FUT9: variants seen among roughly 807,000 people sequenced by gnomAD.
The protein encoded by FUT9 is fucosyltransferase 9.
Under a neutral mutation model 29.7 loss-of-function variants are expected in FUT9, and 15 were observed. That is an observed-to-expected ratio of 0.51 (90% CI 0.34 to 0.78). FUT9 has a LOEUF of 0.78. Ranked by LOEUF, FUT9 falls within the 30% of genes least tolerant of loss-of-function variation. The pLI is 0.01. For missense variants in FUT9, 319 were observed against 425.4 expected (o/e 0.75, Z 2.20); for synonymous variants, 169 against 153.7 (o/e 1.10, Z -0.74).
chr6:96,048,782 G>T (rs9498824), intron 1 of FUT9, among the ~76,000 whole-genome samples: 47 of 152,010 alleles, frequency 3.1e-4, no homozygotes, highest in Middle Eastern at 3.4e-3. Flanking sequence ...AAATGAGAGG[G>T]GGGGAACTGA....
intron 1 of FUT9, among the ~76,000 whole-genome samples, chr6:96,061,048 T>G (rs1400087025): frequency 6.6e-6 from 1 of 152,038 alleles, no homozygotes; most frequent in Non-Finnish European, 1.5e-5. Context: ...GTATCCTATA[T>G]TTAATGAGCA....
chr6:96,027,546 C>G (rs1004661614), intron 1 of FUT9, among the ~76,000 whole-genome samples: 1 of 151,538 alleles, frequency 6.6e-6, no homozygotes, highest in African/African-American at 2.4e-5. Context: ...GCCAGTGCTG[C>G]CAACCCTGAA....
chr6:96,114,392 T>G (rs1771872066), intron 2 of FUT9, among the ~76,000 whole-genome samples: 1 of 151,984 alleles, frequency 6.6e-6, no homozygotes, highest in South Asian at 2.1e-4. Flanking sequence ...TTAAAATAAA[T>G]CTTACAGTTA....
At chr6:96,194,218 T>A (rs1773577249) in intron 2 of FUT9, among the ~76,000 whole-genome samples, 1 of 151,828 alleles carries the variant, frequency 6.6e-6, no homozygotes, top group South Asian at 2.1e-4. Context: ...AAAATAAAAT[T>A]TAGTGTACGT....
chr6:96,130,648 G>T (rs1210263175), intron 2 of FUT9, among the ~76,000 whole-genome samples: 1 of 152,052 alleles, frequency 6.6e-6, no homozygotes, highest in Non-Finnish European at 1.5e-5. Flanking sequence ...ATTTTTAAAG[G>T]TTACAAAAGT....
intron 2 of FUT9, among the ~76,000 whole-genome samples, chr6:96,128,103 A>G (rs1772167173): frequency 6.6e-6 from 1 of 152,128 alleles, no homozygotes; most frequent in South Asian, 2.1e-4. Context: ...TTTAAGCCAA[A>G]TTTAACAAGC....
chr6:96,090,295 A>AC (rs1771389430), intron 1 of FUT9, among the ~76,000 whole-genome samples: 1 of 152,002 alleles, frequency 6.6e-6, no homozygotes, highest in Non-Finnish European at 1.5e-5. Flanking sequence ...TGTAAAGTCA[A>AC]TTGTTTATGA....
intron 2 of FUT9, among the ~76,000 whole-genome samples, chr6:96,196,183 A>C (rs913623533): frequency 6.6e-6 from 1 of 152,190 alleles, no homozygotes; most frequent in African/African-American, 2.4e-5. Context: ...CATGGCCAGC[A>C]ACCCTCTAAC....
At position 96,081,152 on chromosome 6, in the gene FUT9, T is replaced by G. The variant is rs186001896; in HGVS notation, c.-97-32887T>G. Among the ~76,000 whole-genome samples, 490 of 151,960 alleles carry G rather than the reference T, an allele frequency of 3.2e-3. 3 individuals carry two copies. The highest frequency in any genetic ancestry group is 4.2e-3 in the Non-Finnish European group (282 of 67,760). Reference sequence around the variant, plus strand: ...TCATGAAAGAAACATAAAAAGTATATGTAAAGTTTAAGGAATATTTTTCAA... The same window carrying G: ...TCATGAAAGAAACATAAAAAGTATAGGTAAAGTTTAAGGAATATTTTTCAA... On this transcript the variant is annotated intron_variant, in intron 1 of 2. Transcript: ENST00000302103.
chr6:96,102,023 T>C (rs980085040), intron 1 of FUT9, among the ~76,000 whole-genome samples: 5 of 152,116 alleles, frequency 3.3e-5, no homozygotes, highest in African/African-American at 1.2e-4. Flanking sequence ...TGTGTAAAAA[T>C]ATGTGTGTAA....
chr6:96,108,083 G>A (rs1479064825), intron 1 of FUT9, among the ~76,000 whole-genome samples: 1 of 150,750 alleles, frequency 6.6e-6, no homozygotes, highest in East Asian at 2.0e-4. Context: ...AAAAGCTTAA[G>A]AAATGTCCAT....
At chr6:96,026,437 A>G (rs536510083) in intron 1 of FUT9, among the ~76,000 whole-genome samples, 10 of 151,812 alleles carry the variant, frequency 6.6e-5, no homozygotes, top group Middle Eastern at 3.4e-3. Context: ...ATTACAGCAT[A>G]GGGCGTGTTA....
chr6:96,152,750 T>TAA, intron 2 of FUT9, among the ~76,000 whole-genome samples: 1 of 152,196 alleles, frequency 6.6e-6, no homozygotes, highest in Non-Finnish European at 1.5e-5. Context: ...CCTACGAATA[T>TAA]TCTGCCAAGT....
At chr6:96,185,593 A>G (rs935551966) in intron 2 of FUT9, among the ~76,000 whole-genome samples, 4 of 152,162 alleles carry the variant, frequency 2.6e-5, no homozygotes, top group Non-Finnish European at 4.4e-5. Flanking sequence ...TGGATGATGT[A>G]GCAAAAATAT....
At chr6:96,077,092 C>T (rs1044143326) in intron 1 of FUT9, among the ~76,000 whole-genome samples, 1 of 152,132 alleles carries the variant, frequency 6.6e-6, no homozygotes, top group African/African-American at 2.4e-5. Flanking sequence ...AGACACAATA[C>T]TCACAAATAC....
At chr6:96,155,485 A>C (rs1772763450) in intron 2 of FUT9, among the ~76,000 whole-genome samples, 1 of 152,020 alleles carries the variant, frequency 6.6e-6, no homozygotes, top group Non-Finnish European at 1.5e-5. Flanking sequence ...TATCCTGGCT[A>C]ACATGGTGAA....
At chr6:96,117,879 AC>A (rs938464024) in intron 2 of FUT9, among the ~76,000 whole-genome samples, 3 of 152,148 alleles carry the variant, frequency 2.0e-5, no homozygotes, top group Non-Finnish European at 4.4e-5. Context: ...CAAAATTTTT[AC>A]CTGAAATGTC....
chr6:96,127,488 C>T (rs886585219), intron 2 of FUT9, among the ~76,000 whole-genome samples: 2 of 152,116 alleles, frequency 1.3e-5, no homozygotes, highest in Non-Finnish European at 2.9e-5. Context: ...GTGAATAGTG[C>T]TGCAGTGAAC....
chr6:96,130,642 T>A (rs887721224), intron 2 of FUT9, among the ~76,000 whole-genome samples: 1 of 152,216 alleles, frequency 6.6e-6, no homozygotes, highest in African/African-American at 2.4e-5. Flanking sequence ...CATATTATTT[T>A]TAAAGGTTAC....
Sources: allele counts gnomAD v4.1 joint callset (sites outside exome capture counted in the v4.1 genomes callset), GRCh38; gene constraint gnomAD v4.1.1; transcripts MANE v1.5; gene names NCBI Gene and HGNC (gene_info 2026-07-23, HGNC 2026-07-21).